Variants in DYRK4 observed in about 807,000 individuals in gnomAD.
DYRK4 encodes dual specificity tyrosine-phosphorylation-regulated kinase 4.
A neutral mutation model predicts 68.3 loss-of-function variants in DYRK4; 64 were observed. That is an observed-to-expected ratio of 0.94 (90% CI 0.77 to 1.15). The LOEUF (loss-of-function observed/expected upper bound fraction) is 1.15. Ranked by LOEUF, DYRK4 falls within the 50% of genes most tolerant of loss-of-function variation. The probability of loss-of-function intolerance (pLI) is 0.00; values close to 1 mark genes in which losing one functional copy is unlikely to be tolerated. For synonymous variants in DYRK4, 274 were observed against 289.9 expected (o/e 0.95, Z 0.56); for missense variants, 740 against 764.7 (o/e 0.97, Z 0.38).
intron 1 of DYRK4, among the ~76,000 whole-genome samples, chr12:4,566,124 A>C (rs1308178886): frequency 6.6e-6 from 1 of 152,034 alleles, no homozygotes; most frequent in East Asian, 1.9e-4. Context: ...TTCTATCCCC[A>C]CTGTCAGTGC....
rs1190456153 is a variant in DYRK4, at chr12:4,602,495, G to C, written c.1127-2419G>C. The C allele has an allele frequency of 4.6e-6, 6 of 1,309,280 alleles. No individual in the cohort carries two copies. In the East Asian group the frequency reaches 1.4e-4, roughly 30 times the overall value. The allele number at this position is 1,309,280 out of a possible 1,614,324, so 81.1% of individuals were successfully genotyped here. A position where few individuals can be genotyped will look rare whatever the true frequency, so the allele number is the denominator to read the frequency against. ...TCGATCTGAGATGGCAGCAGAGCTT[G>C]GACAAGTCTTGCGGTTGAGTGGTGG... On this transcript the variant is annotated intron_variant, in intron 10 of 14. Transcript: ENST00000543431.
intron 3 of DYRK4, 93 bp downstream of exon 3, chr12:4,589,110 A>T (rs1944926571): frequency 7.1e-6 from 8 of 1,133,722 alleles, no homozygotes; most frequent in Middle Eastern, 2.0e-4. Context: ...TGGCCAATTT[A>T]TCATAAAATG....
chr12:4,580,895 T>A (rs1944835870), intron 2 of DYRK4: 2 of 455,384 alleles, frequency 4.4e-6, no homozygotes, highest in South Asian at 1.6e-5. Context: ...CGGGATGGTG[T>A]GATGGAGGTG....
chr12:4,574,061 T>C (rs995835246), intron 2 of DYRK4, among the ~76,000 whole-genome samples: 3 of 151,770 alleles, frequency 2.0e-5, no homozygotes, highest in African/African-American at 4.8e-5. Flanking sequence ...GCATCTCTAC[T>C]AAAAATACAA....
At chr12:4,576,624 T>C (rs1944792029) in intron 2 of DYRK4, among the ~76,000 whole-genome samples, 1 of 152,224 alleles carries the variant, frequency 6.6e-6, no homozygotes, top group Non-Finnish European at 1.5e-5. Context: ...CATTCTGCCT[T>C]CCCACCAACA....
chr12:4,611,645 G>A (rs2137413008), intron 13 of DYRK4, among the ~76,000 whole-genome samples: 1 of 152,160 alleles, frequency 6.6e-6, no homozygotes, highest in East Asian at 1.9e-4. Context: ...ACAGAAATGA[G>A]AGTTTGAGCT....
chr12:4,584,738 G>A (rs915704971), intron 2 of DYRK4, among the ~76,000 whole-genome samples: 2 of 151,832 alleles, frequency 1.3e-5, no homozygotes, highest in African/African-American at 4.8e-5. Flanking sequence ...TGTGTTTTTA[G>A]TAGAGACGGG....
At chr12:4,586,736 A>AGAT in intron 2 of DYRK4, among the ~76,000 whole-genome samples, 1 of 66,842 alleles carries the variant, frequency 1.5e-5, no homozygotes, top group Non-Finnish European at 4.7e-5. Context: ...ACACACAGAC[A>AGAT]CACACACACA....
intron 11 of DYRK4, among the ~76,000 whole-genome samples, chr12:4,605,729 G>GGT (rs1491142357): frequency 9.8e-6 from 1 of 102,118 alleles, no homozygotes. Flanking sequence ...ATAGAGCTGG[G>GGT]TTTTTTTTTT....
At chr12:4,612,844 T>C (rs940523092) in intron 14 of DYRK4, 126 bp downstream of exon 14, 1 of 1,051,628 alleles carries the variant, frequency 9.5e-7, no homozygotes, top group Non-Finnish European at 1.4e-6. Flanking sequence ...AATCTTTGTT[T>C]TTAATATTCT....
Position 4,590,390 on chromosome 12 carries a change from T to A in DYRK4, c.274T>A (p.Phe92Ile), listed in dbSNP as rs1297972457. The change falls in exon 4 of 15, where the codon TTC (phenylalanine) becomes ATC (isoleucine). Residue 92 changes from phenylalanine (F) to isoleucine (I), a missense_variant. By Grantham distance (21) the Phe-to-Ile change is conservative. Transcript: ENST00000543431. ...CAAGGGGAAGAAGAATACGGTAAGC[T>A]TCCCACACATTAGCAAGAAAGTCCT... is the stretch of plus-strand genomic sequence containing the variant. ...DTKGKKNTVSFPHISKKVLLK... is the reference protein window; with the variant it reads ...DTKGKKNTVSIPHISKKVLLK... 6.5e-7 allele frequency: 1 copy of A among 1,535,988 alleles called. No individual in the cohort carries two copies. Among genetic ancestry groups the A allele is most frequent in the Middle Eastern group, 1.7e-4 (1 of 5,990 alleles).
Position 4,562,263 on chromosome 12 carries a change from G to C in DYRK4, c.18G>C (p.Pro6=). 1 of 1,532,406 alleles carries C rather than the reference G, an allele frequency of 6.5e-7. No homozygotes were observed. Among genetic ancestry groups the C allele is most frequent in the South Asian group, 1.2e-5 (1 of 83,634 alleles). The allele number at this position is 1,532,406 out of a possible 1,614,324, so 94.9% of individuals were successfully genotyped here. A position where few individuals can be genotyped will look rare whatever the true frequency, so the allele number is the denominator to read the frequency against. The change falls in exon 1 of 15, where the codon CCG becomes CCC. Residue 6 remains proline (P), a synonymous_variant. Transcript: ENST00000543431. ...CCGGCCTCATGCAGCTCCTCCCGCC[G>C]CCTATCCGCACCGGAACAAAGTAAG... MQLLP[P]PIRTGTKTQM...
chr12:4,603,000 G>C (rs1945098816), intron 10 of DYRK4: 1 of 911,232 alleles, frequency 1.1e-6, no homozygotes, highest in Non-Finnish European at 1.7e-6. Flanking sequence ...ACGGGTTCTT[G>C]ATTCTATAGA....
Position 4,604,952 on chromosome 12 carries a change from G to A in DYRK4, c.1165G>A (p.Glu389Lys). 1 of 1,613,258 alleles carries A rather than the reference G, an allele frequency of 6.2e-7. No individual in the cohort carries two copies. Among genetic ancestry groups the A allele is most frequent in the Non-Finnish European group, 8.5e-7 (1 of 1,179,544 alleles). The stretch of plus-strand genomic sequence containing the variant: ...CCAAAGCCGGTTCTACCGATCCCCA[G>A]AAGTGATCCTGGGCCACCCCTACGA... Reference protein sequence around the residue: ...YIQSRFYRSPEVILGHPYDVA... With the variant: ...YIQSRFYRSPKVILGHPYDVA... The change falls in exon 11 of 15, where the codon GAA becomes AAA. Residue 389 changes from glutamate (E) to lysine (K), a missense_variant. Physicochemically the swap from Glu to Lys is moderately conservative, Grantham distance 56. Around this residue, in one of 3 missense-constraint regions of DYRK4, gnomAD observed 614 missense variants for 603.7 expected, o/e 1.02. Coordinates refer to ENST00000543431, the MANE Select transcript of DYRK4 (RefSeq NM_001394779.1).
intron 2 of DYRK4, among the ~76,000 whole-genome samples, chr12:4,584,701 G>A (rs1299414638): frequency 2.6e-5 from 4 of 151,676 alleles, no homozygotes; most frequent in Admixed American, 6.6e-5. Flanking sequence ...GACTACAGGC[G>A]CCCACCACCA....
Position 4,611,794 on chromosome 12 carries a change from A to G in DYRK4, c.1491-749A>G, listed in dbSNP as rs539610123. 2.8e-4 allele frequency among the ~76,000 whole-genome samples: 42 copies of G among 152,342 alleles called. 2 individuals are homozygous for G. In the South Asian group the frequency reaches 8.7e-3, roughly 32 times the overall value. On this transcript the variant is annotated intron_variant, in intron 13 of 14. Coordinates refer to ENST00000543431, the MANE Select transcript of DYRK4 (RefSeq NM_001394779.1). ...AAGGTGGTCAGATGGTGAAAACCAT[A>G]TCATATGATCATTAGTTAGTAGCGA...
At chr12:4,612,846 T>A (rs1326405963) in intron 14 of DYRK4, 128 bp downstream of exon 14, 2 of 1,030,884 alleles carry the variant, frequency 1.9e-6, no homozygotes, top group Non-Finnish European at 2.9e-6. Flanking sequence ...TCTTTGTTTT[T>A]AATATTCTGT....
At chr12:4,585,746 G>T (rs1047494901) in intron 2 of DYRK4, among the ~76,000 whole-genome samples, 2 of 152,220 alleles carry the variant, frequency 1.3e-5, no homozygotes, top group African/African-American at 4.8e-5. Flanking sequence ...CCTGCACGTT[G>T]TGCACATGTA....
rs2286576 is a variant in DYRK4 at position 4,604,842 on chromosome 12, T to A, written c.1127-72T>A. ...GCGGGGGCGCAGTCTAACTGAGAAG[T>A]TGTCCTGGGGGAGAGCGTTCTGGAG... On this transcript the variant is annotated intron_variant, in intron 10 of 14. Coordinates refer to ENST00000543431, the MANE Select transcript of DYRK4 (RefSeq NM_001394779.1). 2.8e-6 allele frequency: 4 copies of A among 1,449,420 alleles called. No individual in the cohort carries two copies. In the African/African-American group the frequency reaches 5.8e-5, roughly 21 times the overall value. The allele number at this position is 1,449,420 out of a possible 1,614,324, so 89.8% of individuals were successfully genotyped here. A position where few individuals can be genotyped will look rare whatever the true frequency, so the allele number is the denominator to read the frequency against.
Sources: gnomAD v4.1 joint callset for allele counts (sites outside exome capture counted in the v4.1 genomes callset) on GRCh38, gnomAD v4.1.1 for gene constraint, gnomAD v4.1.1 regional missense constraint, MANE v1.5 for transcripts, NCBI Gene and HGNC (gene_info 2026-07-23, HGNC 2026-07-21) for gene names.